Variants in OR2L13 observed in about 807,000 individuals in gnomAD.
The protein encoded by OR2L13 is olfactory receptor family 2 subfamily L member 13, also known as olfactory receptor 2L13.
Under a neutral mutation model 15.3 loss-of-function variants are expected in OR2L13, and 14 were observed. The observed-to-expected ratio is 0.91, with a 90% CI of 0.60 to 1.43. The LOEUF (loss-of-function observed/expected upper bound fraction) is 1.43. Ranked by LOEUF, OR2L13 falls within the 40% of genes most tolerant of loss-of-function variation. The probability of loss-of-function intolerance (pLI) is 0.00; values close to 1 mark genes in which losing one functional copy is unlikely to be tolerated. For missense variants in OR2L13, 367 were observed against 387.9 expected (o/e 0.95, Z 0.45); for synonymous variants, 152 against 142.9 (o/e 1.06, Z -0.45).
chr1:248,022,943 A>G, the OR2L13 span: 55 of 1,462,888 alleles, frequency 3.8e-5, no homozygotes, highest in Non-Finnish European at 5.0e-5. Flanking sequence ...AGCAGTGTAC[A>G]GCAGTGAAGA....
chr1:247,995,134 T>C, the OR2L13 span, among the ~76,000 whole-genome samples: 1 of 152,198 alleles, frequency 6.6e-6, no homozygotes, highest in Non-Finnish European at 1.5e-5. Flanking sequence ...AATGCATTGT[T>C]CTCTATTCTC....
At chr1:248,051,282 T>G in the OR2L13 span, 4 of 152,220 alleles carry the variant, frequency 2.6e-5, no homozygotes, top group Admixed American at 6.5e-5. Flanking sequence ...TGTGACAGAC[T>G]TATTTCACTT....
chr1:248,053,610 C>T, the OR2L13 span, among the ~76,000 whole-genome samples: 1 of 152,202 alleles, frequency 6.6e-6, no homozygotes, highest in Non-Finnish European at 1.5e-5. Context: ...CACAGCCTCA[C>T]TAGCATCTGT....
At chr1:248,028,569 T>C in the OR2L13 span, among the ~76,000 whole-genome samples, 2 of 152,240 alleles carry the variant, frequency 1.3e-5, no homozygotes, top group Admixed American at 6.5e-5. Context: ...AGCTCAGTTT[T>C]ATTTATATTT....
upstream of OR2L13, among the ~76,000 whole-genome samples, chr1:248,096,382 C>CA (rs199591339): frequency 0.093 from 10,621 of 114,078 alleles, 401 homozygotes; most frequent in East Asian, 0.18. Context: ...GACTCTGTCT[C>CA]AAAAAAAAAA....
chr1:248,082,678 C>CT, the OR2L13 span, among the ~76,000 whole-genome samples: 61 of 151,938 alleles, frequency 4.0e-4, no homozygotes, highest in East Asian at 7.2e-3. Flanking sequence ...AAATAGTCTT[C>CT]TTTTTTTTGT....
chr1:248,033,174 A>C, the OR2L13 span, among the ~76,000 whole-genome samples: 1 of 152,142 alleles, frequency 6.6e-6, no homozygotes, highest in Non-Finnish European at 1.5e-5. Flanking sequence ...AGGCTGTACA[A>C]TTTCATTTTG....
At chr1:247,952,866 C>A in the OR2L13 span, among the ~76,000 whole-genome samples, 1 of 152,098 alleles carries the variant, frequency 6.6e-6, no homozygotes, top group South Asian at 2.1e-4. Flanking sequence ...GGAAATCATT[C>A]CATCTCTCTG....
At chr1:247,951,237 C>T in the OR2L13 span, among the ~76,000 whole-genome samples, 12 of 152,004 alleles carry the variant, frequency 7.9e-5, no homozygotes, top group Non-Finnish European at 1.6e-4. Flanking sequence ...TCCAGCTTTG[C>T]TCTTTTTTTC....
At chr1:247,954,449 A>T in the OR2L13 span, among the ~76,000 whole-genome samples, 2 of 152,100 alleles carry the variant, frequency 1.3e-5, no homozygotes, top group Non-Finnish European at 2.9e-5. Context: ...TCAACATAAG[A>T]TCCTTTTAAT....
the OR2L13 span, among the ~76,000 whole-genome samples, chr1:248,085,491 ACT>A: frequency 7.1e-6 from 1 of 140,212 alleles, no homozygotes; most frequent in Non-Finnish European, 1.6e-5. Context: ...AAAAATCACT[ACT>A]GTCTAGTTAT....
the OR2L13 span, chr1:248,022,927 C>T: frequency 2.6e-6 from 4 of 1,543,020 alleles, no homozygotes; most frequent in African/African-American, 5.5e-5. Context: ...AGGTTCATAT[C>T]AACTCAGCAG....
the OR2L13 span, among the ~76,000 whole-genome samples, chr1:247,956,231 A>G: frequency 7.2e-5 from 11 of 151,954 alleles, no homozygotes; most frequent in East Asian, 2.1e-3. Flanking sequence ...TTTTGTCAGG[A>G]TTGTCAAAGA....
the OR2L13 span, chr1:248,013,760 TA>T: frequency 6.6e-6 from 1 of 152,184 alleles, no homozygotes; most frequent in Non-Finnish European, 1.5e-5. Context: ...ATTTGTATTT[TA>T]AAATTTTTAT....
At chr1:248,096,698 AGAAGCATTC>A (rs1284189720), upstream of OR2L13, among the ~76,000 whole-genome samples, 1 of 152,234 alleles carries the variant, frequency 6.6e-6, no homozygotes, top group Non-Finnish European at 1.5e-5. Context: ...AAGAGTTTTA[AGAAGCATTC>A]ACTAATTGTA....
the OR2L13 span, among the ~76,000 whole-genome samples, chr1:247,997,821 T>A: frequency 6.6e-6 from 1 of 152,198 alleles, no homozygotes; most frequent in East Asian, 1.9e-4. Context: ...GTCCAAAGTT[T>A]CAGTGGACAT....
the OR2L13 span, among the ~76,000 whole-genome samples, chr1:247,974,493 G>A: frequency 6.6e-6 from 1 of 151,876 alleles, no homozygotes; most frequent in Non-Finnish European, 1.5e-5. Flanking sequence ...GTTTACTACG[G>A]TGTATTTTTA....
chr1:248,022,268 A>C, the OR2L13 span: 1 of 1,614,174 alleles, frequency 6.2e-7, no homozygotes, highest in African/African-American at 1.3e-5. Context: ...TGACTTTTGC[A>C]GGTGCAGAAG....
the OR2L13 span, among the ~76,000 whole-genome samples, chr1:248,017,450 C>A: frequency 2.0e-5 from 3 of 152,170 alleles, no homozygotes; most frequent in African/African-American, 7.2e-5. Context: ...GATATCGTAA[C>A]GTCACAAAAT....
Sources: gnomAD v4.1 joint callset for allele counts (sites outside exome capture counted in the v4.1 genomes callset) on GRCh38, gnomAD v4.1.1 for gene constraint, MANE v1.5 for transcripts, NCBI Gene and HGNC (gene_info 2026-07-23, HGNC 2026-07-21) for gene names.